Variants in PCMTD1 observed in about 807,000 individuals in gnomAD.
The protein encoded by PCMTD1 is protein-L-isoaspartate (D-aspartate) O-methyltransferase domain containing 1, also known as protein-L-isoaspartate O-methyltransferase domain-containing protein 1.
PCMTD1 carries 12 observed loss-of-function variants against 37.6 expected under a neutral mutation model. The observed-to-expected ratio is 0.32, with a 90% CI of 0.20 to 0.52. PCMTD1 has a LOEUF of 0.52. PCMTD1 is among the 20% of genes least tolerant of loss of function. PCMTD1 has a pLI of 0.97. For synonymous variants in PCMTD1, 117 were observed against 135.8 expected (o/e 0.86, Z 0.96); for missense variants, 235 against 421.3 (o/e 0.56, Z 3.87).
At chr8:51,846,117 G>A (rs563312575) in intron 2 of PCMTD1, among the ~76,000 whole-genome samples, 4 of 152,234 alleles carry the variant, frequency 2.6e-5, no homozygotes, top group Non-Finnish European at 5.9e-5. Context: ...TTTATCATTT[G>A]CTAAAAAATT....
intron 5 of PCMTD1, among the ~76,000 whole-genome samples, chr8:51,829,050 T>C (rs1400451673): frequency 6.6e-6 from 1 of 152,232 alleles, no homozygotes; most frequent in African/African-American, 2.4e-5. Context: ...CTAACAAGTA[T>C]ATTTGAAAAA....
At chr8:51,868,674 G>C (rs2038594774) in intron 1 of PCMTD1, among the ~76,000 whole-genome samples, 1 of 152,050 alleles carries the variant, frequency 6.6e-6, no homozygotes, top group Non-Finnish European at 1.5e-5. Flanking sequence ...TAAAGATACA[G>C]AAAGAGAAGA....
intron 1 of PCMTD1, among the ~76,000 whole-genome samples, chr8:51,892,443 A>G (rs1157010543): frequency 6.6e-6 from 1 of 152,238 alleles, no homozygotes; most frequent in African/African-American, 2.4e-5. Flanking sequence ...ATGTCTTCAC[A>G]TAACCCCACA....
chr8:51,897,633 C>CA (rs2039025765), intron 1 of PCMTD1, among the ~76,000 whole-genome samples: 1 of 152,162 alleles, frequency 6.6e-6, no homozygotes, highest in African/African-American at 2.4e-5. Context: ...CTGCTTAATA[C>CA]GAAAGTAATG....
At chr8:51,841,257 A>G (rs1002547681) in intron 3 of PCMTD1, among the ~76,000 whole-genome samples, 1 of 152,210 alleles carries the variant, frequency 6.6e-6, no homozygotes, top group African/African-American at 2.4e-5. Flanking sequence ...AATGCATATT[A>G]GGTGCTATTA....
Position 51,873,306 on chromosome 8 carries a change from T to G in PCMTD1, c.-95-12060A>C, listed in dbSNP as rs143464360. ...GATATTTCAATCTTATTCATAAATCTTATGCACTACTAAAAATATTGTAAG... is the reference window on the plus strand; with the variant it reads ...GATATTTCAATCTTATTCATAAATCGTATGCACTACTAAAAATATTGTAAG... On this transcript the variant is annotated intron_variant, in intron 1 of 5. Coordinates refer to ENST00000522514, the MANE Select transcript of PCMTD1 (RefSeq NM_052937.4). 1.3e-3 allele frequency among the ~76,000 whole-genome samples: 205 copies of G among 152,284 alleles called. 1 individual carries two copies. The highest frequency in any genetic ancestry group is 4.7e-3 in the African/African-American group (196 of 41,562).
intron 2 of PCMTD1, among the ~76,000 whole-genome samples, chr8:51,846,758 T>G (rs181406734): frequency 1.3e-5 from 2 of 152,310 alleles, no homozygotes; most frequent in African/African-American, 4.8e-5. Flanking sequence ...CAATCATAAA[T>G]TGTCATGTTT....
chr8:51,833,671 A>C lies in PCMTD1; in HGVS notation c.429T>G (p.Pro143=), dbSNP rs2038027769. The change falls in exon 4 of 6, where the codon CCT becomes CCG. Residue 143 remains proline (P), a synonymous_variant. Transcript: ENST00000522514. ...DSFDKFEFCE[P]AFVVGNCLQI... ...GGAGGCAATTACCAACAACAAATGCAGGTTCACAGAACTCAAATCTGCATT... is the reference window on the plus strand; with the variant it reads ...GGAGGCAATTACCAACAACAAATGCCGGTTCACAGAACTCAAATCTGCATT... The C allele has an allele frequency of 1.2e-6, 2 of 1,608,844 alleles. No individual in the cohort carries two copies. Among genetic ancestry groups the C allele is most frequent in the Non-Finnish European group, 1.7e-6 (2 of 1,178,978 alleles).
intron 1 of PCMTD1, among the ~76,000 whole-genome samples, chr8:51,898,269 T>C (rs898593376): frequency 1.3e-5 from 2 of 152,070 alleles, no homozygotes; most frequent in Non-Finnish European, 2.9e-5. Flanking sequence ...TTTGCAAAAT[T>C]ACTCCCTCGG....
rs149140077 is a variant in PCMTD1 at position 51,824,562 on chromosome 8, G to C, written c.707-3844C>G. ...AAATAAGAGAGGGCACAAACAAATG[G>C]AAAAACATTCCATGTTCATGGATAG... is the stretch of plus-strand genomic sequence containing the variant. On this transcript the variant is annotated intron_variant, in intron 5 of 5. Transcript: ENST00000522514. 2.4e-4 allele frequency among the ~76,000 whole-genome samples: 36 copies of C among 152,258 alleles called. No homozygotes were observed. In the East Asian group the frequency reaches 6.9e-3, roughly 29 times the overall value.
intron 1 of PCMTD1, among the ~76,000 whole-genome samples, chr8:51,866,059 TACA>T (rs893523081): frequency 1.3e-5 from 2 of 151,818 alleles, no homozygotes; most frequent in African/African-American, 4.8e-5. Flanking sequence ...CAATCCCATT[TACA>T]ACAACATCAA....
chr8:51,898,625 T>G (rs1169265608), intron 1 of PCMTD1, among the ~76,000 whole-genome samples: 2 of 151,802 alleles, frequency 1.3e-5, no homozygotes, highest in Non-Finnish European at 2.9e-5. Flanking sequence ...CCGGCCTCCC[T>G]CGGGCCCCCG....
intron 3 of PCMTD1, among the ~76,000 whole-genome samples, chr8:51,840,595 TTAAA>T (rs556122156): frequency 4.9e-4 from 74 of 152,100 alleles, no homozygotes; most frequent in Middle Eastern, 3.2e-3. Context: ...GAAAACTCCT[TTAAA>T]TAAGTGTAAT....
chr8:51,863,206 G>T (rs979472516), intron 1 of PCMTD1, among the ~76,000 whole-genome samples: 5 of 152,094 alleles, frequency 3.3e-5, no homozygotes, highest in Non-Finnish European at 7.4e-5. Context: ...TGACTACAAA[G>T]ATATTTGGCA....
chr8:51,866,145 A>G (rs1192979308), intron 1 of PCMTD1, among the ~76,000 whole-genome samples: 2 of 151,570 alleles, frequency 1.3e-5, no homozygotes, highest in Non-Finnish European at 2.9e-5. Flanking sequence ...TTAAATATTG[A>G]AAAAAAATGT....
At chr8:51,888,108 T>C (rs191567382) in intron 1 of PCMTD1, among the ~76,000 whole-genome samples, 230 of 152,304 alleles carry the variant, frequency 1.5e-3, no homozygotes, top group African/African-American at 5.2e-3. Flanking sequence ...AAACTTCAAG[T>C]TTAAAACTGT....
At chr8:51,838,092 CT>C (rs2038093578) in intron 3 of PCMTD1, among the ~76,000 whole-genome samples, 3 of 152,264 alleles carry the variant, frequency 2.0e-5, no homozygotes, top group Admixed American at 6.5e-5. Context: ...CGGCCCATAA[CT>C]TACTTTTATA....
chr8:51,863,367 G>C (rs117801959), intron 1 of PCMTD1, among the ~76,000 whole-genome samples: 22 of 152,240 alleles, frequency 1.4e-4, no homozygotes, highest in Non-Finnish European at 3.1e-4. Context: ...ATCAAATATG[G>C]TCTTTACCAC....
In PCMTD1 at chr8:51,833,669, G is replaced by A. The variant is rs2129276490; in HGVS notation, c.431C>T (p.Ala144Val). ...SFDKFEFCEP[A>V]FVVGNCLQIA... ...CTGGAGGCAATTACCAACAACAAAT[G>A]CAGGTTCACAGAACTCAAATCTGCA... Residue 144 changes from alanine to valine, a missense_variant, in exon 4 of 6, where the codon GCA becomes GTA. Ala to Val is a moderately conservative substitution (Grantham distance 64, BLOSUM62 0). Around this residue, in one of 3 missense-constraint regions of PCMTD1, gnomAD observed 183 missense variants for 349.3 expected, o/e 0.52. Transcript: ENST00000522514. 3 of 1,609,512 alleles carry A rather than the reference G, an allele frequency of 1.9e-6. No homozygotes were observed. Among genetic ancestry groups the A allele is most frequent in the Non-Finnish European group, 2.5e-6 (3 of 1,179,170 alleles).
Sources: allele counts gnomAD v4.1 joint callset (sites outside exome capture counted in the v4.1 genomes callset), GRCh38; gene constraint gnomAD v4.1.1; regional missense constraint gnomAD v4.1.1; transcripts MANE v1.5; gene names NCBI Gene and HGNC (gene_info 2026-07-23, HGNC 2026-07-21).